The following RAB11FIP3 variants were observed in gnomAD, a reference collection of about 807,000 sequenced individuals.
RAB11FIP3 encodes rab11 family-interacting protein 3.
In RAB11FIP3, 17 loss-of-function variants were observed where a neutral mutation model predicts 77.8. That is an observed-to-expected ratio of 0.22 (90% CI 0.15 to 0.33). The LOEUF (loss-of-function observed/expected upper bound fraction) is 0.33, where lower values mean the gene tolerates loss of function less well. Ranked by LOEUF, RAB11FIP3 falls within the 10% of genes least tolerant of loss-of-function variation. The probability of loss-of-function intolerance (pLI) is 1.00; values close to 1 mark genes in which losing one functional copy is unlikely to be tolerated. For missense variants in RAB11FIP3, 1,005 were observed against 1,011.2 expected, an observed-to-expected ratio of 0.99 and a Z score of 0.08; for synonymous variants, 437 against 448.2, an observed-to-expected ratio of 0.98 and a Z score of 0.31.
chr16:462,393 A>G (rs539706557), intron 2 of RAB11FIP3, among the ~76,000 whole-genome samples: 3 of 152,188 alleles, frequency 2.0e-5, no homozygotes, highest in Admixed American at 2.0e-4. Flanking sequence ...AATACAAAAC[A>G]TATAAAAATT....
chr16:486,515 C>G (rs561561474), intron 4 of RAB11FIP3, among the ~76,000 whole-genome samples: 1 of 152,264 alleles, frequency 6.6e-6, no homozygotes, highest in Non-Finnish European at 1.5e-5. Context: ...AAAAGTATAA[C>G]TCTTTTGGGG....
rs756701882 is a variant in RAB11FIP3, at chr16:503,049, C to T, written c.1347C>T (p.Asp449=). 45 of 1,613,188 alleles carry T rather than the reference C, an allele frequency of 2.8e-5. No homozygotes were observed. Among genetic ancestry groups the T allele is most frequent in the African/African-American group, 4.0e-5 (3 of 74,928 alleles). The change falls in exon 7 of 14, where the codon GAC becomes GAT. Residue 449 remains aspartate (D), a synonymous_variant. Transcript: ENST00000262305. The part of the protein sequence containing the change: ...SGALTMEALE[D]PSPELMEGPE... Reference sequence around the variant, plus strand: ...CCCTGACCATGGAGGCCCTGGAGGACCCTTCCCCCGAGCTCATGGAGGGCC... The same window carrying T: ...CCCTGACCATGGAGGCCCTGGAGGATCCTTCCCCCGAGCTCATGGAGGGCC...
intron 5 of RAB11FIP3, among the ~76,000 whole-genome samples, chr16:490,878 G>A (rs1016335988): frequency 6.6e-6 from 1 of 152,166 alleles, no homozygotes; most frequent in African/African-American, 2.4e-5. Flanking sequence ...CTGGGCACCC[G>A]ACCCAGAGGA....
In RAB11FIP3 at chr16:489,017, C is replaced by G; in HGVS notation, c.1265+17C>G. ...CACGCCCAGGTAATGACGCCTTGTT[C>G]CAGCACACCCTCCTCCCTCTTCTTC... On this transcript the variant is annotated intron_variant, in intron 5 of 13. Coordinates refer to ENST00000262305, the MANE Select transcript of RAB11FIP3 (RefSeq NM_014700.4). 6.2e-7 allele frequency: 1 copy of G among 1,609,086 alleles called. No individual in the cohort carries two copies. Among genetic ancestry groups the G allele is most frequent in the South Asian group, 1.1e-5 (1 of 90,746 alleles).
chr16:518,979 G>A lies in RAB11FIP3; in HGVS notation c.1677G>A (p.Arg559=), dbSNP rs1307802337. The change falls in exon 10 of 14, where the codon CGG becomes CGA. Residue 559 remains arginine, a synonymous_variant. Transcript: ENST00000262305. ...TGGACGAGGAGAACAGTGAACTCCG[G>A]TCCTGCACGCCCTGTCTGAAGGCCA... ...QQLDEENSEL[R]SCTPCLKANI... 6.8e-6 allele frequency: 11 copies of A among 1,613,598 alleles called. No homozygotes were observed. In the African/African-American group the frequency reaches 1.3e-4, roughly 20 times the overall value.
At chr16:515,764 C>T (rs1229568028) in intron 9 of RAB11FIP3, among the ~76,000 whole-genome samples, 2 of 152,162 alleles carry the variant, frequency 1.3e-5, no homozygotes, top group African/African-American at 4.8e-5. Flanking sequence ...GGAACAGCCA[C>T]ACGGCCGACA....
Position 520,155 on chromosome 16 carries a change from C to G in RAB11FIP3, c.1894C>G (p.Leu632Val). Residue 632 changes from leucine to valine, a missense_variant, in exon 12 of 14, where the codon CTG (leucine) becomes GTG (valine). Leu to Val is a conservative substitution (Grantham distance 32, BLOSUM62 1). Transcript: ENST00000262305. The stretch of plus-strand genomic sequence containing the variant: ...GGACCTCCGAAAGCAGCTGGAGCAC[C>G]TGCAGCTCCTCAAGCTGGAGGCCGA... ...IEDLRKQLEH[L>V]QLLKLEAEQR... is the part of the protein sequence containing the mutation. The G allele has an allele frequency of 6.5e-7, 1 of 1,546,580 alleles. No individual in the cohort carries two copies. The highest frequency in any genetic ancestry group is 2.4e-5 in the East Asian group (1 of 41,104).
intron 1 of RAB11FIP3, among the ~76,000 whole-genome samples, chr16:448,553 G>A (rs1252649560): frequency 2.0e-5 from 3 of 151,954 alleles, no homozygotes; most frequent in Non-Finnish European, 2.9e-5. Flanking sequence ...TGGCTAACAC[G>A]GTGAAACCCC....
At chr16:503,510 G>A (rs1203059746) in intron 7 of RAB11FIP3, among the ~76,000 whole-genome samples, 1 of 152,140 alleles carries the variant, frequency 6.6e-6, no homozygotes, top group Non-Finnish European at 1.5e-5. Flanking sequence ...CCAACAGCCT[G>A]AGGAACGGGC....
At chr16:439,659 CAT>C (rs2055192902) in intron 1 of RAB11FIP3, among the ~76,000 whole-genome samples, 1 of 152,124 alleles carries the variant, frequency 6.6e-6, no homozygotes, top group Non-Finnish European at 1.5e-5. Flanking sequence ...CTCCTGATGA[CAT>C]GTGCCCAAGG....
rs2031853572 is a variant in RAB11FIP3, at chr16:506,017, G to A, written c.1499+390G>A. On this transcript the variant is annotated intron_variant, in intron 8 of 13. Coordinates refer to ENST00000262305, the MANE Select transcript of RAB11FIP3 (RefSeq NM_014700.4). This position sits in a 1 kb window ranked among gnomAD's most constrained non-coding sequence, Gnocchi z 4.5. ...GTCCATACGGGGTTTGCCCGTCCTG[G>A]AAGAATGCAGGTTAGAGAAGTCGCT... Among the ~76,000 whole-genome samples, 1 of 152,248 alleles carries A rather than the reference G, an allele frequency of 6.6e-6. No homozygotes were observed. Among genetic ancestry groups the A allele is most frequent in the African/African-American group, 2.4e-5 (1 of 41,470 alleles).
intron 1 of RAB11FIP3, among the ~76,000 whole-genome samples, chr16:456,977 G>A (rs2055515023): frequency 2.0e-5 from 3 of 151,920 alleles, no homozygotes; most frequent in South Asian, 4.1e-4. Flanking sequence ...CCCTGCCCAC[G>A]CTGGCCCATG....
At chr16:477,861 C>T (rs574236653) in intron 3 of RAB11FIP3, among the ~76,000 whole-genome samples, 1 of 152,300 alleles carries the variant, frequency 6.6e-6, no homozygotes, top group Non-Finnish European at 1.5e-5. Flanking sequence ...GATTTCCCAC[C>T]CACCAGTGAC....
At chr16:495,481 C>G (rs961083661) in intron 5 of RAB11FIP3, among the ~76,000 whole-genome samples, 14 of 152,222 alleles carry the variant, frequency 9.2e-5, no homozygotes, top group African/African-American at 3.1e-4. Flanking sequence ...GCCCCTGGCT[C>G]TGGCTACAGT....
intron 2 of RAB11FIP3, among the ~76,000 whole-genome samples, chr16:465,849 C>T (rs1484032032): frequency 6.6e-6 from 1 of 152,190 alleles, no homozygotes; most frequent in Non-Finnish European, 1.5e-5. Flanking sequence ...AGGTGATCCA[C>T]CCACCTCGGC....
At position 520,296 on chromosome 16, in the gene RAB11FIP3, C is replaced by A. The variant is rs1274858012; in HGVS notation, c.2016+19C>A. Reference sequence around the variant, plus strand: ...GAAGCAGGTGGGCAGGCCTGGGCCTCCCTCCCTCACACTCCTGCAGAAGCT... The same window carrying A: ...GAAGCAGGTGGGCAGGCCTGGGCCTACCTCCCTCACACTCCTGCAGAAGCT... On this transcript the variant is annotated intron_variant, in intron 12 of 13. Transcript: ENST00000262305. The A allele has an allele frequency of 1.3e-6, 2 of 1,545,016 alleles. No homozygotes were observed. The highest frequency in any genetic ancestry group is 1.7e-6 in the Non-Finnish European group (2 of 1,147,088).
rs1567402972 is a variant in RAB11FIP3, at chr16:505,052, C to T, written c.1396-472C>T. Among the ~76,000 whole-genome samples the T allele has an allele frequency of 2.0e-5, 3 of 150,046 alleles. No homozygotes were observed. The highest frequency in any genetic ancestry group is 4.0e-4 in the East Asian group (2 of 5,000). On this transcript the variant is annotated intron_variant, in intron 7 of 13. Transcript: ENST00000262305. This position sits in a 1 kb window ranked among gnomAD's most constrained non-coding sequence, Gnocchi z 4.0. Reference sequence around the variant, plus strand: ...CTGCTGACCCAGGCCAAGTCCTCCTCTGCTCCCTTCACTCCTTCTCCTACC... The same window carrying T: ...CTGCTGACCCAGGCCAAGTCCTCCTTTGCTCCCTTCACTCCTTCTCCTACC...
intron 5 of RAB11FIP3, 145 bp from the exon 6 acceptor site, chr16:496,679 A>C: frequency 1.3e-6 from 1 of 747,226 alleles, no homozygotes; most frequent in Non-Finnish European, 2.3e-6. Context: ...GCATTTGTGC[A>C]TGGACTTGCC....
rs138399411 is a variant in RAB11FIP3 at position 479,311 on chromosome 16, G to A, written c.904-3214G>A. ...GGAGGCTGAGGTAGGAGGATTGCTT[G>A]AGCCCAGGAGTTTGAAGCTGCAGTG... On this transcript the variant is annotated intron_variant, in intron 3 of 13. Coordinates refer to ENST00000262305, the MANE Select transcript of RAB11FIP3 (RefSeq NM_014700.4). Among the ~76,000 whole-genome samples, 71 of 152,130 alleles carry A rather than the reference G, an allele frequency of 4.7e-4. No individual in the cohort carries two copies. In the East Asian group the frequency reaches 0.01, roughly 22 times the overall value.
Sources: allele counts gnomAD v4.1 joint callset (sites outside exome capture counted in the v4.1 genomes callset), GRCh38; gene constraint gnomAD v4.1.1; non-coding constraint Gnocchi (gnomAD v3.1); transcripts MANE v1.5; gene names NCBI Gene and HGNC (gene_info 2026-07-23, HGNC 2026-07-21).